RXFP1: variants seen among roughly 807,000 people sequenced by gnomAD.
The protein encoded by RXFP1 is relaxin receptor 1.
RXFP1 carries 73 observed loss-of-function variants against 89.8 expected under a neutral mutation model. That is an observed-to-expected ratio of 0.81 (90% CI 0.67 to 0.99). The LOEUF (loss-of-function observed/expected upper bound fraction) is 0.99, where lower values mean the gene tolerates loss of function less well. RXFP1 is among the 50% of genes least tolerant of loss of function. The pLI is 0.00. For synonymous variants in RXFP1, 277 were observed against 305.5 expected (o/e 0.91, Z 0.97); for missense variants, 793 against 895.5 (o/e 0.89, Z 1.46).
At chr4:158,644,298 G>A (rs769506971) in intron 14 of RXFP1, among the ~76,000 whole-genome samples, 46 of 151,984 alleles carry the variant, frequency 3.0e-4, no homozygotes, top group African/African-American at 9.7e-4. Flanking sequence ...CACCCACCTC[G>A]GCCTCCCAAA....
intron 2 of RXFP1, among the ~76,000 whole-genome samples, chr4:158,592,482 G>T (rs1450450640): frequency 1.3e-5 from 2 of 152,170 alleles, no homozygotes; most frequent in African/African-American, 4.8e-5. Flanking sequence ...GCTGAGGCAG[G>T]AGAATCACTT....
intron 5 of RXFP1, 89 bp from the exon 6 acceptor site, chr4:158,607,883 T>A: frequency 1.2e-6 from 1 of 801,548 alleles, no homozygotes; most frequent in Non-Finnish European, 2.0e-6. Flanking sequence ...TATGCTACCA[T>A]CACCATCATC....
chr4:158,571,396 G>A (rs1034188728), intron 1 of RXFP1, among the ~76,000 whole-genome samples: 6 of 152,200 alleles, frequency 3.9e-5, no homozygotes, highest in Non-Finnish European at 8.8e-5. Context: ...GCTGGGCGCG[G>A]TGGCTCACAC....
At chr4:158,651,348 C>G (rs936997505) in intron 17 of RXFP1, among the ~76,000 whole-genome samples, 1 of 152,108 alleles carries the variant, frequency 6.6e-6, no homozygotes, top group Non-Finnish European at 1.5e-5. Context: ...CTTACATATT[C>G]TGACAAATAC....
At chr4:158,645,864 G>GTT (rs377609675) in intron 15 of RXFP1, among the ~76,000 whole-genome samples, 2 of 147,874 alleles carry the variant, frequency 1.4e-5, no homozygotes, top group Admixed American at 6.8e-5. Flanking sequence ...ATGTCTAAAT[G>GTT]TTTTTTTTTT....
At chr4:158,608,147 A>G in intron 6 of RXFP1, 104 bp downstream of exon 6, 1 of 704,678 alleles carries the variant, frequency 1.4e-6, no homozygotes, top group Non-Finnish European at 2.4e-6. Context: ...CCAAGGAGCC[A>G]TGCAAGTGAT....
intron 1 of RXFP1, among the ~76,000 whole-genome samples, chr4:158,552,643 GA>G (rs1750402564): frequency 6.6e-6 from 1 of 152,164 alleles, no homozygotes; most frequent in Non-Finnish European, 1.5e-5. Context: ...ATAGAAATGG[GA>G]ATTAGAATAG....
chr4:158,527,281 G>T (rs531254510), intron 1 of RXFP1, among the ~76,000 whole-genome samples: 11 of 151,980 alleles, frequency 7.2e-5, no homozygotes, highest in African/African-American at 2.7e-4. Flanking sequence ...GGTGGCTCAC[G>T]CCTGTAATCC....
intron 2 of RXFP1, among the ~76,000 whole-genome samples, chr4:158,582,584 C>G (rs1757582727): frequency 6.6e-6 from 1 of 152,228 alleles, no homozygotes; most frequent in South Asian, 2.1e-4. Flanking sequence ...TTTAGTACAC[C>G]TGAGCCAGGC....
intron 1 of RXFP1, among the ~76,000 whole-genome samples, chr4:158,539,873 AT>A (rs1237778598): frequency 6.6e-6 from 1 of 152,172 alleles, no homozygotes; most frequent in African/African-American, 2.4e-5. Context: ...AAAATCACAG[AT>A]TTCAAGTCAT....
At chr4:158,614,347 G>A (rs1159981470) in intron 8 of RXFP1, among the ~76,000 whole-genome samples, 1 of 152,170 alleles carries the variant, frequency 6.6e-6, no homozygotes, top group Admixed American at 6.5e-5. Flanking sequence ...TGAAAGTCTT[G>A]TATGGAATAT....
At chr4:158,567,335 G>A (rs987050598) in intron 1 of RXFP1, among the ~76,000 whole-genome samples, 2 of 152,342 alleles carry the variant, frequency 1.3e-5, no homozygotes, top group Non-Finnish European at 2.9e-5. Context: ...CCCTGTGAGC[G>A]ATCCACTGAG....
rs769775527 is a variant in RXFP1, at chr4:158,637,998, TAA to T, written c.972-5_972-4del. 2 of 1,565,746 alleles carry T rather than the reference TAA, an allele frequency of 1.3e-6. No individual in the cohort carries two copies. Among genetic ancestry groups the T allele is most frequent in the Non-Finnish European group, 1.8e-6 (2 of 1,139,002 alleles). ...AGAAATGACCTATTGCTGCTTTTTT[TAA>T]AAAACAGGAATCTTTCCTATAATCC... On this transcript the variant is annotated splice_polypyrimidine_tract_variant and splice_region_variant and intron_variant, in intron 12 of 17. Coordinates refer to ENST00000307765, the MANE Select transcript of RXFP1 (RefSeq NM_021634.4).
At position 158,646,872 on chromosome 4, in the gene RXFP1, C is replaced by A. The variant is rs530687587; in HGVS notation, c.1427C>A (p.Ala476Glu). ...LKFRGEYNKH[A>E]QLWMESTHCQ... ...TTTCGTGGAGAATACAATAAGCATG[C>A]GCAGCTGTGGATGGAGAGTACTCAT... Residue 476 changes from alanine (A) to glutamate (E), a missense_variant, in exon 16 of 18, where the codon GCG (alanine) becomes GAG (glutamate). Physicochemically the swap from Ala to Glu is moderately radical, Grantham distance 107. Transcript: ENST00000307765. 2.5e-6 allele frequency: 4 copies of A among 1,614,014 alleles called. No homozygotes were observed. Among genetic ancestry groups the A allele is most frequent in the East Asian group, 4.5e-5 (2 of 44,878 alleles).
At chr4:158,523,203 G>A (rs560541254) in intron 1 of RXFP1, among the ~76,000 whole-genome samples, 6 of 152,138 alleles carry the variant, frequency 3.9e-5, no homozygotes, top group Non-Finnish European at 8.8e-5. Flanking sequence ...AATTATAATT[G>A]CATGTTTAAA....
At chr4:158,616,302 G>A (rs930638867) in intron 8 of RXFP1, among the ~76,000 whole-genome samples, 15 of 151,986 alleles carry the variant, frequency 9.9e-5, no homozygotes, top group South Asian at 2.1e-4. Context: ...CGTGGCAGGC[G>A]TCTGTAATCC....
At chr4:158,600,428 A>G (rs1761468469) in intron 4 of RXFP1, among the ~76,000 whole-genome samples, 1 of 152,202 alleles carries the variant, frequency 6.6e-6, no homozygotes, top group African/African-American at 2.4e-5. Flanking sequence ...GAGTTTTCCA[A>G]AAGAGGGAAC....
intron 1 of RXFP1, among the ~76,000 whole-genome samples, chr4:158,556,410 A>T (rs1246054518): frequency 6.6e-6 from 1 of 152,196 alleles, no homozygotes; most frequent in Non-Finnish European, 1.5e-5. Flanking sequence ...TCAAAAAACC[A>T]GAAGAAAACT....
chr4:158,544,639 T>G (rs1486298481), intron 1 of RXFP1, among the ~76,000 whole-genome samples: 1 of 151,724 alleles, frequency 6.6e-6, no homozygotes, highest in Non-Finnish European at 1.5e-5. Context: ...GATGTTCCCC[T>G]TCCTGTGTCC....
Sources: gnomAD v4.1 joint callset for allele counts (sites outside exome capture counted in the v4.1 genomes callset) on GRCh38, gnomAD v4.1.1 for gene constraint, MANE v1.5 for transcripts, NCBI Gene and HGNC (gene_info 2026-07-23, HGNC 2026-07-21) for gene names.